LIN28B: variants seen among roughly 807,000 people sequenced by gnomAD.
LIN28B encodes the protein lin-28 RNA binding posttranscriptional regulator B.
LIN28B carries 5 observed loss-of-function variants against 21.9 expected under a neutral mutation model. That is an observed-to-expected ratio of 0.23 (90% CI 0.12 to 0.48). LIN28B has a LOEUF of 0.48. Ranked by LOEUF, LIN28B falls within the 20% of genes least tolerant of loss-of-function variation. The pLI is 0.98. For missense variants in LIN28B, 245 were observed against 310.5 expected (o/e 0.79, Z 1.58); for synonymous variants, 109 against 111.3 (o/e 0.98, Z 0.13).
chr6:105,046,199 A>G (rs1771757145), intron 3 of LIN28B, among the ~76,000 whole-genome samples: 1 of 151,772 alleles, frequency 6.6e-6, no homozygotes, highest in Non-Finnish European at 1.5e-5. Context: ...CCAGTGTGTG[A>G]TGTTCCCCTT....
At chr6:105,039,755 G>T (rs1394501857) in intron 3 of LIN28B, among the ~76,000 whole-genome samples, 2 of 151,994 alleles carry the variant, frequency 1.3e-5, no homozygotes. Context: ...TTATTTTTAG[G>T]TATTGTAGTT....
rs143127034 is a variant in LIN28B at position 105,035,007 on chromosome 6, T to G, written c.383+8525T>G. 1.8e-3 allele frequency among the ~76,000 whole-genome samples: 280 copies of G among 152,110 alleles called. 1 individual carries two copies. The highest frequency in any genetic ancestry group is 6.4e-3 in the African/African-American group (266 of 41,536). On this transcript the variant is annotated intron_variant, in intron 3 of 3. Coordinates refer to ENST00000345080, the MANE Select transcript of LIN28B (RefSeq NM_001004317.4). Reference sequence around the variant, plus strand: ...TAATTCTGCCCCACTCCCACCCACCTCTACAGCAATATTAACCTCTTCCAC... The same window carrying G: ...TAATTCTGCCCCACTCCCACCCACCGCTACAGCAATATTAACCTCTTCCAC...
intron 2 of LIN28B, chr6:104,950,440 A>G (rs1165519203): frequency 5.0e-6 from 6 of 1,210,846 alleles, no homozygotes; most frequent in Non-Finnish European, 6.2e-6. Flanking sequence ...TGTAGTACTG[A>G]CTTGAGCTCT....
chr6:105,054,689 C>A (rs1771986244), intron 3 of LIN28B, among the ~76,000 whole-genome samples: 1 of 152,198 alleles, frequency 6.6e-6, no homozygotes. Flanking sequence ...GTCCTAGGAG[C>A]TCTGAGGAAT....
At chr6:105,006,930 C>T (rs576867658) in intron 2 of LIN28B, among the ~76,000 whole-genome samples, 1 of 152,270 alleles carries the variant, frequency 6.6e-6, no homozygotes, top group Non-Finnish European at 1.5e-5. Context: ...GAAATGCAAG[C>T]CTGCTTTTGT....
chr6:105,043,095 A>G (rs953793649), intron 3 of LIN28B, among the ~76,000 whole-genome samples: 1 of 152,182 alleles, frequency 6.6e-6, no homozygotes, highest in Non-Finnish European at 1.5e-5. Flanking sequence ...ATACCTAGGA[A>G]TAAAGCTTAA....
chr6:105,037,763 G>C (rs1433532664), intron 3 of LIN28B, among the ~76,000 whole-genome samples: 3 of 151,740 alleles, frequency 2.0e-5, no homozygotes, highest in Admixed American at 6.6e-5. Context: ...CGCCTGCCTC[G>C]GCCTCCCAAA....
At chr6:104,991,832 G>A (rs1290485774) in intron 2 of LIN28B, among the ~76,000 whole-genome samples, 3 of 152,012 alleles carry the variant, frequency 2.0e-5, no homozygotes, top group Admixed American at 2.0e-4. Flanking sequence ...CCAACACAGC[G>A]AAACCCCGTC....
intron 3 of LIN28B, among the ~76,000 whole-genome samples, chr6:105,032,598 C>T (rs1771446573): frequency 6.6e-6 from 1 of 151,910 alleles, no homozygotes; most frequent in South Asian, 2.1e-4. Flanking sequence ...GGTGGTGCAT[C>T]CCTGTTGTCC....
intron 2 of LIN28B, among the ~76,000 whole-genome samples, chr6:104,985,444 C>T (rs1015125533): frequency 1.3e-5 from 2 of 152,096 alleles, no homozygotes; most frequent in Non-Finnish European, 2.9e-5. Flanking sequence ...TTTGCCTATA[C>T]TTCAATTGAT....
At chr6:104,971,620 A>G (rs1394712418) in intron 2 of LIN28B, among the ~76,000 whole-genome samples, 1 of 152,186 alleles carries the variant, frequency 6.6e-6, no homozygotes, top group Non-Finnish European at 1.5e-5. Flanking sequence ...CCTTTCAAGA[A>G]CTAGGATCAG....
Position 105,021,636 on chromosome 6 carries a change from T to C in LIN28B, c.199-4662T>C, listed in dbSNP as rs188341375. Among the ~76,000 whole-genome samples, 351 of 152,298 alleles carry C rather than the reference T, an allele frequency of 2.3e-3. 1 individual carries two copies. The highest frequency in any genetic ancestry group is 4.1e-3 in the Admixed American group (63 of 15,296). On this transcript the variant is annotated intron_variant, in intron 2 of 3. Transcript: ENST00000345080. ...TTTTCATACACCTGTTGGCCATTTG[T>C]ATGTCTTATTTGCAAAATGTCTATT...
At chr6:105,072,147 C>G (rs1772344809) in intron 3 of LIN28B, among the ~76,000 whole-genome samples, 1 of 151,856 alleles carries the variant, frequency 6.6e-6, no homozygotes, top group Non-Finnish European at 1.5e-5. Flanking sequence ...ATATTTTAGA[C>G]TTACATATAA....
At chr6:105,063,269 A>G (rs577899542) in intron 3 of LIN28B, among the ~76,000 whole-genome samples, 4 of 152,242 alleles carry the variant, frequency 2.6e-5, no homozygotes, top group Admixed American at 2.6e-4. Context: ...CTCTGCCATT[A>G]TGGACAGAAA....
At position 105,080,663 on chromosome 6, in the gene LIN28B, G is replaced by T. The variant is rs1358654462; in HGVS notation, c.*1880G>T. 2.0e-5 allele frequency: 3 copies of T among 152,554 alleles called. No individual in the cohort carries two copies. The highest frequency in any genetic ancestry group is 7.2e-5 in the African/African-American group (3 of 41,414). 9.5% of individuals were successfully genotyped at this position (152,554 alleles called of 1,614,324 possible). ...AGAAGTACTTCCTTGCCTTATGTGA[G>T]GATTTCAAACTTATTTAAATTATGT... On this transcript the variant is annotated 3_prime_UTR_variant, in exon 4 of 4. Coordinates refer to ENST00000345080, the MANE Select transcript of LIN28B (RefSeq NM_001004317.4).
chr6:105,013,829 A>G (rs1770971617), intron 2 of LIN28B, among the ~76,000 whole-genome samples: 1 of 152,066 alleles, frequency 6.6e-6, no homozygotes, highest in South Asian at 2.1e-4. Context: ...GATGATCTAC[A>G]TTGTCAATTT....
chr6:104,986,228 C>G (rs2114259152), intron 2 of LIN28B, among the ~76,000 whole-genome samples: 1 of 152,194 alleles, frequency 6.6e-6, no homozygotes, highest in African/African-American at 2.4e-5. Flanking sequence ...TGAGGCCTCC[C>G]CAGCTATGCT....
chr6:105,011,816 A>G (rs567577124), intron 2 of LIN28B, among the ~76,000 whole-genome samples: 2 of 151,738 alleles, frequency 1.3e-5, no homozygotes, highest in East Asian at 3.9e-4. Context: ...TTGCACTCCA[A>G]CCTGGGTGAA....
chr6:104,989,455 T>A (rs917718329), intron 2 of LIN28B, among the ~76,000 whole-genome samples: 1 of 152,062 alleles, frequency 6.6e-6, no homozygotes, highest in African/African-American at 2.4e-5. Context: ...TCTCTTGGCC[T>A]CAAGCAGTCC....
Sources: gnomAD v4.1 joint callset for allele counts (sites outside exome capture counted in the v4.1 genomes callset) on GRCh38, gnomAD v4.1.1 for gene constraint, MANE v1.5 for transcripts, NCBI Gene and HGNC (gene_info 2026-07-23, HGNC 2026-07-21) for gene names.